ZRANB3: variants seen among roughly 807,000 people sequenced by gnomAD.
The protein encoded by ZRANB3 is zinc finger RANBP2-type containing 3.
ZRANB3 carries 125 observed loss-of-function variants against 133.8 expected under a neutral mutation model. That is an observed-to-expected ratio of 0.93 (90% CI 0.81 to 1.08). The LOEUF (loss-of-function observed/expected upper bound fraction) is 1.08, where lower values mean the gene tolerates loss of function less well. Ranked by LOEUF, ZRANB3 falls within the 50% of genes least tolerant of loss-of-function variation. The probability of loss-of-function intolerance (pLI) is 0.00; values close to 1 mark genes in which losing one functional copy is unlikely to be tolerated. For synonymous variants in ZRANB3, 387 were observed against 432.7 expected, an observed-to-expected ratio of 0.89 and a Z score of 1.31; for missense variants, 1,229 against 1,275.5, an observed-to-expected ratio of 0.96 and a Z score of 0.56.
chr2:135,376,811 A>C (rs1432721468), intron 3 of ZRANB3, among the ~76,000 whole-genome samples: 5 of 152,226 alleles, frequency 3.3e-5, no homozygotes, highest in Non-Finnish European at 7.3e-5. Context: ...TTATCGCATA[A>C]AGAGTAAACC....
intron 3 of ZRANB3, 43 bp from the exon 4 acceptor site, chr2:135,353,671 T>C: frequency 8.0e-7 from 1 of 1,245,592 alleles, no homozygotes; most frequent in Middle Eastern, 2.2e-4. Flanking sequence ...GAGCCTAAAA[T>C]ATTTTAAAAG....
At chr2:135,485,939 C>G (rs1016062297) in intron 2 of ZRANB3, among the ~76,000 whole-genome samples, 1 of 152,178 alleles carries the variant, frequency 6.6e-6, no homozygotes, top group Admixed American at 6.5e-5. Context: ...TCTTGTTCAA[C>G]AGTATACTAA....
intron 12 of ZRANB3, among the ~76,000 whole-genome samples, chr2:135,256,956 T>G (rs1028432959): frequency 1.3e-5 from 2 of 152,190 alleles, no homozygotes; most frequent in African/African-American, 4.8e-5. Flanking sequence ...ATTCACATGC[T>G]AAAAGATATT....
intron 12 of ZRANB3, among the ~76,000 whole-genome samples, chr2:135,261,758 T>C (rs944352933): frequency 6.6e-6 from 1 of 152,222 alleles, no homozygotes; most frequent in Non-Finnish European, 1.5e-5. Flanking sequence ...ATAGGAAATT[T>C]TAGAGAAAGA....
Position 135,481,539 on chromosome 2 carries a change from C to T in ZRANB3, c.161+22790G>A, listed in dbSNP as rs904208481. 2.3e-3 allele frequency among the ~76,000 whole-genome samples: 354 copies of T among 152,114 alleles called. 2 individuals carry two copies. Among genetic ancestry groups the T allele is most frequent in the African/African-American group, 7.6e-3 (317 of 41,476 alleles). On this transcript the variant is annotated intron_variant, in intron 2 of 20. Coordinates refer to ENST00000264159, the MANE Select transcript of ZRANB3 (RefSeq NM_032143.4). ...AGCCCTTTGTCACATGAGTAAGTTG[C>T]GAAAATTTTCTCCCATTTTGTAGGT...
At chr2:135,476,903 T>C (rs1361183598) in intron 2 of ZRANB3, among the ~76,000 whole-genome samples, 1 of 152,044 alleles carries the variant, frequency 6.6e-6, no homozygotes, top group Non-Finnish European at 1.5e-5. Context: ...AAATTTTTTA[T>C]AGACACAGGA....
chr2:135,290,743 G>C (rs1681662743), intron 8 of ZRANB3, among the ~76,000 whole-genome samples: 2 of 124,316 alleles, frequency 1.6e-5, no homozygotes, highest in South Asian at 5.3e-4. Flanking sequence ...GTTCTGTTTT[G>C]GTGTATTTCA....
At chr2:135,397,794 A>G (rs1687558645) in intron 2 of ZRANB3, among the ~76,000 whole-genome samples, 1 of 152,110 alleles carries the variant, frequency 6.6e-6, no homozygotes, top group Admixed American at 6.6e-5. Flanking sequence ...TCAATAAGCT[A>G]CAGTATTCTG....
At chr2:135,404,240 G>A (rs2104943667) in intron 2 of ZRANB3, among the ~76,000 whole-genome samples, 1 of 152,296 alleles carries the variant, frequency 6.6e-6, no homozygotes, top group Middle Eastern at 3.4e-3. Flanking sequence ...AATAACCAAT[G>A]CAGAGAAGTC....
intron 2 of ZRANB3, among the ~76,000 whole-genome samples, chr2:135,501,177 A>T (rs1361615553): frequency 1.3e-5 from 2 of 151,738 alleles, no homozygotes; most frequent in Non-Finnish European, 2.9e-5. Flanking sequence ...AATTAGACTG[A>T]TTTTTTTTTA....
chr2:135,267,233 G>A (rs977171618), intron 11 of ZRANB3, among the ~76,000 whole-genome samples: 1 of 152,134 alleles, frequency 6.6e-6, no homozygotes, highest in Admixed American at 6.5e-5. Flanking sequence ...AGGTTGAGGG[G>A]CCACATCTGG....
At chr2:135,393,436 T>TA (rs1314521218) in intron 2 of ZRANB3, among the ~76,000 whole-genome samples, 1 of 151,908 alleles carries the variant, frequency 6.6e-6, no homozygotes, top group Non-Finnish European at 1.5e-5. Flanking sequence ...TGGATTATCT[T>TA]AAAGCACAGA....
At chr2:135,311,580 AT>A (rs1331792756) in intron 8 of ZRANB3, among the ~76,000 whole-genome samples, 4 of 146,378 alleles carry the variant, frequency 2.7e-5, no homozygotes, top group Non-Finnish European at 6.0e-5. Flanking sequence ...AGGTGAAAGA[AT>A]AAAAAAAAAA....
intron 19 of ZRANB3, among the ~76,000 whole-genome samples, chr2:135,206,755 A>C (rs1573667396): frequency 7.0e-6 from 1 of 143,316 alleles, no homozygotes; most frequent in East Asian, 2.3e-4. Context: ...GGAGGGGGGA[A>C]CAGGGGAGGG....
chr2:135,352,551 T>C (rs1350015100), intron 4 of ZRANB3, among the ~76,000 whole-genome samples: 1 of 152,082 alleles, frequency 6.6e-6, no homozygotes, highest in East Asian at 1.9e-4. Context: ...CTTGGGCCCA[T>C]AAAGATACAT....
At chr2:135,452,276 G>A (rs531813921) in intron 2 of ZRANB3, among the ~76,000 whole-genome samples, 2 of 152,144 alleles carry the variant, frequency 1.3e-5, no homozygotes, top group South Asian at 4.2e-4. Flanking sequence ...CTCCCCCTGG[G>A]TCCCTCCCAC....
At chr2:135,243,463 A>C (rs1203168817) in intron 12 of ZRANB3, among the ~76,000 whole-genome samples, 1 of 152,224 alleles carries the variant, frequency 6.6e-6, no homozygotes, top group Non-Finnish European at 1.5e-5. Context: ...AGATCGTGCC[A>C]CTGCACTCCA....
At chr2:135,346,949 C>T (rs1469480161) in intron 5 of ZRANB3, among the ~76,000 whole-genome samples, 1 of 152,188 alleles carries the variant, frequency 6.6e-6, no homozygotes, top group African/African-American at 2.4e-5. Flanking sequence ...GCCTATTTCT[C>T]CTCTCTTCCA....
At chr2:135,505,278 T>TA (rs1433781176) in intron 1 of ZRANB3, among the ~76,000 whole-genome samples, 2 of 151,930 alleles carry the variant, frequency 1.3e-5, no homozygotes, top group African/African-American at 4.8e-5. Context: ...ATCTCATCTT[T>TA]AAAAAAAAGT....
Sources: allele counts gnomAD v4.1 joint callset (sites outside exome capture counted in the v4.1 genomes callset), GRCh38; gene constraint gnomAD v4.1.1; transcripts MANE v1.5; gene names NCBI Gene and HGNC (gene_info 2026-07-23, HGNC 2026-07-21).